Variants in AFF3 observed in about 807,000 individuals in gnomAD.
AFF3 encodes the protein AF4/FMR2 family member 3.
In AFF3, 32 loss-of-function variants were observed where a neutral mutation model predicts 129.7. The observed-to-expected ratio is 0.25, with a 90% CI of 0.19 to 0.33. AFF3 has a LOEUF of 0.33. AFF3 is among the 10% of genes least tolerant of loss of function. The pLI is 1.00. For missense variants in AFF3, 1,373 were observed against 1,592.0 expected (o/e 0.86, Z 2.34); for synonymous variants, 644 against 635.4 (o/e 1.01, Z -0.20).
chr2:100,092,350 C>T (rs1689927169), intron 4 of AFF3, among the ~76,000 whole-genome samples: 1 of 152,126 alleles, frequency 6.6e-6, no homozygotes, highest in Non-Finnish European at 1.5e-5. Flanking sequence ...CTCCTCCTCT[C>T]CATCCTCACC....
chr2:100,018,379 G>C (rs939778004), intron 4 of AFF3, among the ~76,000 whole-genome samples: 5 of 152,234 alleles, frequency 3.3e-5, no homozygotes, highest in Admixed American at 3.3e-4. Context: ...TCAGTGGAAC[G>C]ATGACTGTTT....
Position 99,546,035 on chromosome 2 carries a change from T to A in AFF3, c.*5439A>T, listed in dbSNP as rs1674064540. On this transcript the variant is annotated 3_prime_UTR_variant, in exon 25 of 25. Coordinates refer to ENST00000672756, the MANE Select transcript of AFF3 (RefSeq NM_001386135.1). ...TTGAAAAACTGTGCTCTTCTGAGAA[T>A]GGGAAAATGAGGACATAAACTCTGG... 4.4e-6 allele frequency: 1 copy of A among 225,744 alleles called. No individual in the cohort carries two copies. 14.0% of individuals were successfully genotyped at this position (225,744 alleles called of 1,614,324 possible).
At chr2:99,955,476 C>T (rs1576424581) in intron 7 of AFF3, among the ~76,000 whole-genome samples, 1 of 151,896 alleles carries the variant, frequency 6.6e-6, no homozygotes. Context: ...GAAGTACTGC[C>T]ATAAATTTAA....
intron 7 of AFF3, among the ~76,000 whole-genome samples, chr2:100,004,743 T>C (rs1351936002): frequency 1.3e-5 from 2 of 152,220 alleles, no homozygotes; most frequent in African/African-American, 4.8e-5. Flanking sequence ...AATTTAGTCA[T>C]GTTTTTATTG....
chr2:99,760,043 A>G (rs991190032), intron 8 of AFF3, among the ~76,000 whole-genome samples: 2 of 152,232 alleles, frequency 1.3e-5, no homozygotes, highest in South Asian at 4.1e-4. Flanking sequence ...TCATACATAC[A>G]TACATATATA....
rs551608412 is a variant in AFF3, at chr2:100,092,999, C to G, written c.53+11403G>C. Among the ~76,000 whole-genome samples, 10 of 152,162 alleles carry G rather than the reference C, an allele frequency of 6.6e-5. No individual in the cohort carries two copies. In the East Asian group the frequency reaches 1.9e-3, roughly 29 times the overall value. On this transcript the variant is annotated intron_variant, in intron 4 of 24. Coordinates refer to ENST00000672756, the MANE Select transcript of AFF3 (RefSeq NM_001386135.1). ...CAATAAAAGGATGCTCATCTCAACC[C>G]AGACACCTAGAAATCCAGAGGAAGA...
chr2:99,851,349 T>G (rs1690128117), intron 7 of AFF3, among the ~76,000 whole-genome samples: 1 of 152,216 alleles, frequency 6.6e-6, no homozygotes, highest in Admixed American at 6.5e-5. Flanking sequence ...GCTGATGGCT[T>G]TTATGTTCTC....
At chr2:99,906,990 T>C (rs1331848506) in intron 7 of AFF3, among the ~76,000 whole-genome samples, 1 of 152,128 alleles carries the variant, frequency 6.6e-6, no homozygotes, top group African/African-American at 2.4e-5. Flanking sequence ...GCTAATACTA[T>C]GCCAGGCACT....
At chr2:100,085,328 A>G (rs1412787848) in intron 4 of AFF3, among the ~76,000 whole-genome samples, 12 of 147,900 alleles carry the variant, frequency 8.1e-5, no homozygotes, top group Non-Finnish European at 1.5e-4. Flanking sequence ...CTTCCTCATC[A>G]CCTCGGCCAC....
At chr2:100,064,437 C>T (rs1233244500) in intron 4 of AFF3, among the ~76,000 whole-genome samples, 1 of 152,168 alleles carries the variant, frequency 6.6e-6, no homozygotes, top group Non-Finnish European at 1.5e-5. Flanking sequence ...GTCTTACTTT[C>T]GCATAAGTGA....
intron 1 of AFF3, among the ~76,000 whole-genome samples, chr2:100,138,595 G>A (rs1481508940): frequency 6.6e-6 from 1 of 152,156 alleles, no homozygotes; most frequent in East Asian, 1.9e-4. Context: ...CACTTAAAAA[G>A]ATTTCTCTTT....
rs535183848 is a variant in AFF3 at position 99,936,374 on chromosome 2, T to C, written c.873+70258A>G. 2.6e-5 allele frequency among the ~76,000 whole-genome samples: 4 copies of C among 152,250 alleles called. No homozygotes were observed. The South Asian group carries it at 6.2e-4, about 24-fold the overall frequency. On this transcript the variant is annotated intron_variant, in intron 7 of 24. Coordinates refer to ENST00000672756, the MANE Select transcript of AFF3 (RefSeq NM_001386135.1). ...ATCAGCACCTGGCCTGCTTTGATGA[T>C]GGGTTTTACCCTAATCAGACCACCC... is the stretch of plus-strand genomic sequence containing the variant.
chr2:99,775,689 G>A (rs1375594337), intron 8 of AFF3, among the ~76,000 whole-genome samples: 3 of 151,156 alleles, frequency 2.0e-5, no homozygotes, highest in Admixed American at 6.6e-5. Flanking sequence ...TAAAATAAAA[G>A]TTGGAAAAAA....
intron 7 of AFF3, among the ~76,000 whole-genome samples, chr2:99,870,296 G>A (rs1691775926): frequency 6.6e-6 from 1 of 152,198 alleles, no homozygotes; most frequent in African/African-American, 2.4e-5. Context: ...TGAGGCTGTA[G>A]TTGGCTATCT....
intron 8 of AFF3, among the ~76,000 whole-genome samples, chr2:99,824,350 G>A (rs1272475101): frequency 6.6e-6 from 1 of 152,010 alleles, no homozygotes; most frequent in African/African-American, 2.4e-5. Context: ...CCCAACCTCA[G>A]GTGATCCACC....
chr2:100,141,624 G>A (rs1692879488), intron 1 of AFF3, among the ~76,000 whole-genome samples: 1 of 152,096 alleles, frequency 6.6e-6, no homozygotes, highest in Non-Finnish European at 1.5e-5. Flanking sequence ...TGAATAAAAG[G>A]AATTATGAAA....
At chr2:99,850,147 C>T (rs1690039895) in intron 7 of AFF3, among the ~76,000 whole-genome samples, 1 of 152,224 alleles carries the variant, frequency 6.6e-6, no homozygotes, top group Non-Finnish European at 1.5e-5. Flanking sequence ...AATAAGCATG[C>T]TATCTGACAT....
chr2:99,644,889 CCTT>C (rs1684554304), intron 13 of AFF3, among the ~76,000 whole-genome samples: 1 of 152,288 alleles, frequency 6.6e-6, no homozygotes, highest in East Asian at 1.9e-4. Context: ...TCCTGTTTGT[CCTT>C]CTTCTTTGTC....
Position 99,961,844 on chromosome 2 carries a change from A to G in AFF3, c.873+44788T>C, listed in dbSNP as rs74337132. 1.2e-4 allele frequency among the ~76,000 whole-genome samples: 19 copies of G among 152,330 alleles called. No individual in the cohort carries two copies. In the East Asian group the frequency reaches 3.7e-3, roughly 29 times the overall value. On this transcript the variant is annotated intron_variant, in intron 7 of 24. Coordinates refer to ENST00000672756, the MANE Select transcript of AFF3 (RefSeq NM_001386135.1). ...GTAAGTGCATTCCTTCTGCAAATTG[A>G]AAGAGTCTCACCAACAAAACCAGGA...
Sources: allele counts gnomAD v4.1 joint callset (sites outside exome capture counted in the v4.1 genomes callset), GRCh38; gene constraint gnomAD v4.1.1; transcripts MANE v1.5; gene names NCBI Gene and HGNC (gene_info 2026-07-23, HGNC 2026-07-21).